Variants in MIB1 observed in about 807,000 individuals in gnomAD.
MIB1 encodes MIB E3 ubiquitin protein ligase 1.
Under a neutral mutation model 124.5 loss-of-function variants are expected in MIB1, and 278 were observed. The ratio of observed to expected loss-of-function variants is 2.23; its 90% CI spans 2.02 to 2.47. The LOEUF (loss-of-function observed/expected upper bound fraction) is 2.47, where lower values mean the gene tolerates loss of function less well. Ranked by LOEUF, MIB1 falls within the 30% of genes most tolerant of loss-of-function variation. The probability of loss-of-function intolerance (pLI) is 0.00; values close to 1 mark genes in which losing one functional copy is unlikely to be tolerated. For missense variants in MIB1, 957 were observed against 1,254.4 expected, an observed-to-expected ratio of 0.76 and a Z score of 3.58; for synonymous variants, 446 against 429.4, an observed-to-expected ratio of 1.04 and a Z score of -0.48.
intron 12 of MIB1, among the ~76,000 whole-genome samples, chr18:21,830,172 TAGA>T (rs72071759): frequency 0.52 from 79,013 of 151,692 alleles, 23,665 homozygotes; most frequent in Non-Finnish European, 0.67. Context: ...AATGCAGCAT[TAGA>T]ATTACACCAT....
chr18:21,806,284 T>C (rs1034983402), intron 10 of MIB1, among the ~76,000 whole-genome samples: 1 of 151,802 alleles, frequency 6.6e-6, no homozygotes, highest in African/African-American at 2.4e-5. Flanking sequence ...CACTGCAGCC[T>C]TGAATTCCCA....
chr18:21,724,724 AAAAATATAT>A (rs1241918659), intron 1 of MIB1, among the ~76,000 whole-genome samples: 10 of 61,358 alleles, frequency 1.6e-4, no homozygotes, highest in African/African-American at 6.4e-4. Context: ...AAAAAAAAAA[AAAAATATAT>A]ATATATATAT....
chr18:21,854,289 A>T (rs993299955), intron 18 of MIB1, among the ~76,000 whole-genome samples: 5 of 152,204 alleles, frequency 3.3e-5, no homozygotes, highest in African/African-American at 4.8e-5. Flanking sequence ...TGTAGGCCAC[A>T]TGGTTTCTGT....
intron 1 of MIB1, among the ~76,000 whole-genome samples, chr18:21,748,206 C>T (rs2040932185): frequency 1.3e-5 from 2 of 152,150 alleles, no homozygotes; most frequent in South Asian, 4.1e-4. Flanking sequence ...AGAAACATGA[C>T]CACCTGTAAC....
chr18:21,708,080 G>A (rs1164213439), intron 1 of MIB1, among the ~76,000 whole-genome samples: 1 of 152,076 alleles, frequency 6.6e-6, no homozygotes. Flanking sequence ...CCCAAAAGCC[G>A]TGCCTCCTAA....
At chr18:21,717,653 C>T (rs143529401) in intron 1 of MIB1, among the ~76,000 whole-genome samples, 68 of 152,284 alleles carry the variant, frequency 4.5e-4, no homozygotes, top group South Asian at 2.1e-3. Context: ...AAATCCTCAA[C>T]ATCACTAATG....
At chr18:21,790,649 T>A (rs1410436395) in intron 6 of MIB1, among the ~76,000 whole-genome samples, 3 of 152,214 alleles carry the variant, frequency 2.0e-5, no homozygotes, top group Admixed American at 6.5e-5. Context: ...ATTGATAGAA[T>A]GTCTGTAAGG....
chr18:21,815,199 C>T (rs1304174999), intron 10 of MIB1, among the ~76,000 whole-genome samples: 1 of 151,230 alleles, frequency 6.6e-6, no homozygotes, highest in Non-Finnish European at 1.5e-5. Context: ...GACAGGGTCT[C>T]ACTCTGTTGC....
At chr18:21,805,574 G>A (rs1295588728) in intron 10 of MIB1, among the ~76,000 whole-genome samples, 4 of 152,022 alleles carry the variant, frequency 2.6e-5, no homozygotes, top group African/African-American at 9.7e-5. Flanking sequence ...TGGTGGAATG[G>A]TATGAAATTT....
At chr18:21,847,693 C>T (rs2042146969) in intron 16 of MIB1, among the ~76,000 whole-genome samples, 1 of 151,950 alleles carries the variant, frequency 6.6e-6, no homozygotes, top group African/African-American at 2.4e-5. Flanking sequence ...CAGGGTATAT[C>T]TCACACAAAC....
At chr18:21,751,759 T>C (rs1363596270) in intron 1 of MIB1, among the ~76,000 whole-genome samples, 1 of 152,130 alleles carries the variant, frequency 6.6e-6, no homozygotes, top group Non-Finnish European at 1.5e-5. Flanking sequence ...TGAAAATTGC[T>C]TTATTTTGCC....
At chr18:21,804,132 ATTGAAAATAAAAATCTGACAG>A in intron 10 of MIB1, 118 bp downstream of exon 10, 1 of 725,002 alleles carries the variant, frequency 1.4e-6, no homozygotes, top group Non-Finnish European at 2.3e-6. Context: ...GGCTTTTCTG[ATTGAAAATAAAAATCTGACAG>A]AGGCAACTTG....
intron 1 of MIB1, among the ~76,000 whole-genome samples, chr18:21,751,252 A>C (rs1175309225): frequency 1.3e-5 from 2 of 152,116 alleles, no homozygotes. Flanking sequence ...ATAAAATTGC[A>C]TTAAACGTCA....
rs2041861554 is a variant in MIB1, at chr18:21,819,580, A to G, written c.1763A>G (p.Asp588Gly). The change falls in exon 12 of 21, where the codon GAT (aspartate) becomes GGT (glycine). Residue 588 changes from aspartate (D) to glycine (G), a missense_variant. By Grantham distance (94) the Asp-to-Gly change is moderately conservative (BLOSUM62 -1). Transcript: ENST00000261537. ...GCAGTTCTTTTGGAAGCTGGAGCAG[A>G]TGTTACCATCACAAACAATAATGGA... ...ILAVLLEAGA[D>G]VTITNNNGFN... The G allele has an allele frequency of 1.2e-6, 2 of 1,612,552 alleles. No homozygotes were observed. Among genetic ancestry groups the G allele is most frequent in the Non-Finnish European group, 1.7e-6 (2 of 1,179,012 alleles).
intron 17 of MIB1, among the ~76,000 whole-genome samples, chr18:21,851,000 A>T (rs2042174935): frequency 6.6e-6 from 1 of 152,148 alleles, no homozygotes; most frequent in Non-Finnish European, 1.5e-5. Context: ...ATTACCTGCT[A>T]AAAATGTGTA....
chr18:21,741,598 G>T lies in MIB1; in HGVS notation c.15G>T (p.Arg5=). The change falls in exon 1 of 21, where the codon CGG becomes CGT. Residue 5 remains arginine, a synonymous_variant. Coordinates refer to ENST00000261537, the MANE Select transcript of MIB1 (RefSeq NM_020774.4). This position sits in a 1 kb window ranked among gnomAD's most constrained non-coding sequence, Gnocchi z 5.4. ...CCCGGGCCCCGATGAGTAACTCCCG[G>T]AATAACCGGGTGATGGTGGAAGGGG... The part of the protein sequence containing the change: MSNS[R]NNRVMVEGVG... The T allele has an allele frequency of 3.2e-6, 5 of 1,567,144 alleles. No homozygotes were observed. The highest frequency in any genetic ancestry group is 4.3e-6 in the Non-Finnish European group (5 of 1,160,798).
chr18:21,779,218 T>C (rs2041328836), intron 5 of MIB1, among the ~76,000 whole-genome samples: 1 of 152,208 alleles, frequency 6.6e-6, no homozygotes, highest in South Asian at 2.1e-4. Flanking sequence ...GATACAAGGT[T>C]GAATAGTCTT....
At chr18:21,769,378 G>T (rs1485504583) in intron 3 of MIB1, among the ~76,000 whole-genome samples, 1 of 152,196 alleles carries the variant, frequency 6.6e-6, no homozygotes, top group African/African-American at 2.4e-5. Context: ...CACTTGGGCA[G>T]TGTATCCACA....
At chr18:21,808,618 C>G (rs149033140) in intron 10 of MIB1, among the ~76,000 whole-genome samples, 185 of 152,122 alleles carry the variant, frequency 1.2e-3, no homozygotes, top group Admixed American at 2.1e-3. Context: ...TTAGGGAAAC[C>G]TCAAAGAGCT....
Sources: allele counts gnomAD v4.1 joint callset (sites outside exome capture counted in the v4.1 genomes callset), GRCh38; gene constraint gnomAD v4.1.1; non-coding constraint Gnocchi (gnomAD v3.1); transcripts MANE v1.5; gene names NCBI Gene and HGNC (gene_info 2026-07-23, HGNC 2026-07-21).